Variants in DTWD2 observed in about 807,000 individuals in gnomAD.
DTWD2 encodes the protein DTW motif tRNA-uridine aminocarboxypropyltransferase 2.
DTWD2 carries 39 observed loss-of-function variants against 31.8 expected under a neutral mutation model. The ratio of observed to expected loss-of-function variants is 1.22; its 90% CI spans 0.95 to 1.60. DTWD2 has a LOEUF of 1.60. Among genes scored for constraint, DTWD2 ranks in the 40% most tolerant of loss-of-function variants. The pLI is 0.00. For missense variants in DTWD2, 515 were observed against 381.5 expected (o/e 1.35, Z -2.92); for synonymous variants, 180 against 142.8 (o/e 1.26, Z -1.86).
intron 1 of DTWD2, among the ~76,000 whole-genome samples, chr5:118,984,018 G>A (rs764770684): frequency 3.9e-5 from 6 of 152,206 alleles, no homozygotes; most frequent in Non-Finnish European, 7.3e-5. Flanking sequence ...TGGGCGCAGT[G>A]GCTCACGCCT....
At chr5:118,842,879 C>G (rs1406357380) in intron 5 of DTWD2, among the ~76,000 whole-genome samples, 4 of 150,414 alleles carry the variant, frequency 2.7e-5, no homozygotes, top group Admixed American at 2.7e-4. Context: ...CCTGGGAGGT[C>G]AAGGCGGCAG....
chr5:118,923,250 T>G (rs1326060525), intron 4 of DTWD2, among the ~76,000 whole-genome samples: 2 of 152,144 alleles, frequency 1.3e-5, no homozygotes, highest in Non-Finnish European at 2.9e-5. Context: ...GTTTGACAAT[T>G]ATCACACTGC....
Position 118,939,279 on chromosome 5 carries a change from C to T in DTWD2, c.321G>A (p.Val107=), listed in dbSNP as rs1289936897. ...IIQHPAEENK[V]LRTVPLLAAC... ...CTGCTAGTAGAGGAACTGTACGCAA[C>T]ACTTTGTTTTCCTTTAATTAAAAAA... The change falls in exon 3 of 6, where the codon GTG becomes GTA. Residue 107 remains valine (V), a synonymous_variant. Coordinates refer to ENST00000510708, the MANE Select transcript of DTWD2 (RefSeq NM_173666.4). The T allele has an allele frequency of 6.3e-7, 1 of 1,576,936 alleles. No individual in the cohort carries two copies. The highest frequency in any genetic ancestry group is 8.6e-7 in the Non-Finnish European group (1 of 1,162,358).
chr5:118,876,041 C>T (rs1178716026), intron 4 of DTWD2, among the ~76,000 whole-genome samples: 1 of 151,972 alleles, frequency 6.6e-6, no homozygotes, highest in Non-Finnish European at 1.5e-5. Context: ...AAAATCAAGA[C>T]AAAGAAAATT....
In DTWD2 at chr5:118,897,546, T is replaced by C. The variant is rs530201365; in HGVS notation, c.597+30991A>G. On this transcript the variant is annotated intron_variant, in intron 4 of 5. Coordinates refer to ENST00000510708, the MANE Select transcript of DTWD2 (RefSeq NM_173666.4). ...AAATTTTACCATTTACATTCTCAGATCCCAGACAAAGGTCAACCTTCTAAG... is the reference window on the plus strand; with the variant it reads ...AAATTTTACCATTTACATTCTCAGACCCCAGACAAAGGTCAACCTTCTAAG... Among the ~76,000 whole-genome samples the C allele has an allele frequency of 3.9e-4, 59 of 152,308 alleles. 1 individual carries two copies. Among genetic ancestry groups the C allele is most frequent in the Middle Eastern group, 3.4e-3 (1 of 294 alleles).
chr5:118,925,689 C>CA (rs1170029495), intron 4 of DTWD2, among the ~76,000 whole-genome samples: 1 of 151,538 alleles, frequency 6.6e-6, no homozygotes, highest in Admixed American at 6.6e-5. Context: ...ACTAAAAATA[C>CA]AAAAAATTAG....
chr5:118,962,221 A>G (rs1403584089), intron 1 of DTWD2, among the ~76,000 whole-genome samples: 1 of 152,186 alleles, frequency 6.6e-6, no homozygotes, highest in Non-Finnish European at 1.5e-5. Context: ...CTGGGCAACA[A>G]GAGCAAAACT....
At chr5:118,957,966 T>C (rs944931555) in intron 1 of DTWD2, among the ~76,000 whole-genome samples, 9 of 152,190 alleles carry the variant, frequency 5.9e-5, no homozygotes, top group African/African-American at 9.7e-5. Flanking sequence ...CATATACTAA[T>C]ATACAATAAG....
At chr5:118,903,452 CT>C (rs1753260059) in intron 4 of DTWD2, among the ~76,000 whole-genome samples, 1 of 152,116 alleles carries the variant, frequency 6.6e-6, no homozygotes, top group East Asian at 1.9e-4. Context: ...AAACTATAAT[CT>C]AGTCAGAATA....
chr5:118,985,981 T>C (rs1755417566), intron 1 of DTWD2, among the ~76,000 whole-genome samples: 1 of 152,156 alleles, frequency 6.6e-6, no homozygotes, highest in South Asian at 2.1e-4. Context: ...AGAACTGAAG[T>C]CATCTCTTTT....
intron 4 of DTWD2, among the ~76,000 whole-genome samples, chr5:118,887,730 T>C (rs1350072816): frequency 3.3e-5 from 5 of 152,050 alleles, no homozygotes; most frequent in Admixed American, 6.6e-5. Context: ...GCAATTCTCC[T>C]GCCTCAGCCT....
rs1752490514 is a variant in DTWD2, at chr5:118,871,053, C to T, written c.598-22835G>A. Among the ~76,000 whole-genome samples, 3 of 151,666 alleles carry T rather than the reference C, an allele frequency of 2.0e-5. No individual in the cohort carries two copies. In the South Asian group the frequency reaches 6.2e-4, roughly 31 times the overall value. On this transcript the variant is annotated intron_variant, in intron 4 of 5. Coordinates refer to ENST00000510708, the MANE Select transcript of DTWD2 (RefSeq NM_173666.4). ...CATAATATTCTAAATCTTTTGTAGT[C>T]ATCTCAACAATGTTCACAGCATCTT...
intron 4 of DTWD2, among the ~76,000 whole-genome samples, chr5:118,848,994 G>T (rs879789474): frequency 3.9e-5 from 6 of 152,246 alleles, no homozygotes; most frequent in Non-Finnish European, 7.4e-5. Context: ...AAACACCAAA[G>T]CAATGGCAGC....
chr5:118,947,914 G>A (rs1244938216), intron 1 of DTWD2, among the ~76,000 whole-genome samples: 3 of 152,088 alleles, frequency 2.0e-5, no homozygotes, highest in African/African-American at 7.2e-5. Context: ...CAGTTATATT[G>A]TGGTTTTGTA....
intron 4 of DTWD2, among the ~76,000 whole-genome samples, chr5:118,927,372 T>A (rs545191663): frequency 6.6e-6 from 1 of 151,976 alleles, no homozygotes; most frequent in South Asian, 2.1e-4. Flanking sequence ...AATATAAAAT[T>A]GGTCGAGAAA....
intron 4 of DTWD2, among the ~76,000 whole-genome samples, chr5:118,884,051 T>C (rs2149555975): frequency 6.6e-6 from 1 of 152,266 alleles, no homozygotes; most frequent in African/African-American, 2.4e-5. Context: ...AGTTACTAGA[T>C]TAAAAAGGAA....
intron 1 of DTWD2, among the ~76,000 whole-genome samples, chr5:118,964,422 C>T (rs930596544): frequency 2.0e-5 from 3 of 151,816 alleles, no homozygotes; most frequent in African/African-American, 7.3e-5. Context: ...CCCACGGTCT[C>T]CCTCTCCCTC....
At chr5:118,983,361 A>G (rs1383263926) in intron 1 of DTWD2, among the ~76,000 whole-genome samples, 3 of 152,234 alleles carry the variant, frequency 2.0e-5, no homozygotes, top group African/African-American at 7.2e-5. Flanking sequence ...GGATTTTTAT[A>G]TGAAACATCT....
rs1580766220 is a variant in DTWD2 at position 118,851,805 on chromosome 5, A to G, written c.598-3587T>C. 2.0e-5 allele frequency among the ~76,000 whole-genome samples: 3 copies of G among 151,318 alleles called. No homozygotes were observed. The East Asian group carries it at 5.8e-4, about 29-fold the overall frequency. On this transcript the variant is annotated intron_variant, in intron 4 of 5. Transcript: ENST00000510708. ...GTATACATATGTAACTAACCTGCAC[A>G]TTGTGCACATGTACCCTAAAACTTA...
Sources: allele counts gnomAD v4.1 joint callset (sites outside exome capture counted in the v4.1 genomes callset), GRCh38; gene constraint gnomAD v4.1.1; transcripts MANE v1.5; gene names NCBI Gene and HGNC (gene_info 2026-07-23, HGNC 2026-07-21).